SPMIP11: variants seen among roughly 807,000 people sequenced by gnomAD.
The protein encoded by SPMIP11 is long intergenic non-protein coding RNA 935.
chr12:48,769,552 T>C, the SPMIP11 span, among the ~76,000 whole-genome samples: 1 of 151,156 alleles, frequency 6.6e-6, no homozygotes, highest in East Asian at 1.9e-4. Flanking sequence ...TGTCAACCAC[T>C]CTAGTAAGCA....
the SPMIP11 span, among the ~76,000 whole-genome samples, chr12:48,769,505 C>A: frequency 6.6e-6 from 1 of 151,604 alleles, no homozygotes; most frequent in Non-Finnish European, 1.5e-5. Context: ...GTCAAGACAG[C>A]CATGCTATAA....
At chr12:48,762,666 C>T in the SPMIP11 span, among the ~76,000 whole-genome samples, 4 of 151,840 alleles carry the variant, frequency 2.6e-5, 1 homozygote, top group South Asian at 6.2e-4. Flanking sequence ...CTGCATCCGG[C>T]TCTTATAACA....
chr12:48,734,799 C>T, the SPMIP11 span, among the ~76,000 whole-genome samples: 1 of 151,556 alleles, frequency 6.6e-6, no homozygotes, highest in Admixed American at 6.6e-5. Context: ...GTCAGCAGAT[C>T]GAGACCATCC....
the SPMIP11 span, among the ~76,000 whole-genome samples, chr12:48,762,331 T>C: frequency 6.9e-6 from 1 of 145,082 alleles, no homozygotes; most frequent in African/African-American, 2.6e-5. Flanking sequence ...GTGCTGGGAT[T>C]ACAGGCGTGA....
chr12:48,732,579 G>A, the SPMIP11 span, among the ~76,000 whole-genome samples: 1 of 151,978 alleles, frequency 6.6e-6, no homozygotes, highest in East Asian at 1.9e-4. Context: ...AGACCATCCT[G>A]GCCAACATGG....
chr12:48,744,684 A>G, the SPMIP11 span, among the ~76,000 whole-genome samples: 3 of 151,980 alleles, frequency 2.0e-5, no homozygotes, highest in African/African-American at 4.8e-5. Flanking sequence ...GTGCCACTGC[A>G]CTTTAGCCTG....
At chr12:48,739,878 C>G in the SPMIP11 span, among the ~76,000 whole-genome samples, 1 of 152,250 alleles carries the variant, frequency 6.6e-6, no homozygotes, top group East Asian at 1.9e-4. Context: ...ACAGTGAATC[C>G]TGTGATTCCT....
At chr12:48,756,781 T>TTC in the SPMIP11 span, among the ~76,000 whole-genome samples, 255 of 147,432 alleles carry the variant, frequency 1.7e-3, 3 homozygotes, top group Middle Eastern at 0.014. Context: ...CTTTTTTTCT[T>TTC]TTTTTTTTTT....
chr12:48,760,028 CTCAGGTGAT>C, the SPMIP11 span, among the ~76,000 whole-genome samples: 7 of 152,086 alleles, frequency 4.6e-5, no homozygotes. Flanking sequence ...AACTCCTGAC[CTCAGGTGAT>C]CCACCCACTT....
chr12:48,770,768 ATCT>A, the SPMIP11 span: 1 of 1,613,788 alleles, frequency 6.2e-7, no homozygotes. Context: ...CCTCTTACCA[ATCT>A]TCATCTGGAA....
chr12:48,746,666 A>G, the SPMIP11 span, among the ~76,000 whole-genome samples: 1 of 151,742 alleles, frequency 6.6e-6, no homozygotes, highest in African/African-American at 2.4e-5. Flanking sequence ...TGCCCAGCCT[A>G]TCCAAGCGCT....
chr12:48,753,786 C>G, the SPMIP11 span, among the ~76,000 whole-genome samples: 2 of 147,722 alleles, frequency 1.4e-5, no homozygotes, highest in Non-Finnish European at 3.0e-5. Flanking sequence ...ACTGCAACCT[C>G]TGCCCCCCCG....
At chr12:48,754,809 C>T in the SPMIP11 span, among the ~76,000 whole-genome samples, 1 of 149,150 alleles carries the variant, frequency 6.7e-6, no homozygotes, top group Non-Finnish European at 1.5e-5. Context: ...TGCAGTGGCA[C>T]AATCACAGCC....
the SPMIP11 span, chr12:48,736,311 C>T: frequency 1.8e-5 from 4 of 227,248 alleles, no homozygotes; most frequent in African/African-American, 9.7e-5. Context: ...ACTCTGGAGG[C>T]TGAGGTGGGA....
the SPMIP11 span, among the ~76,000 whole-genome samples, chr12:48,762,853 G>C: frequency 1.6e-4 from 24 of 152,160 alleles, no homozygotes; most frequent in African/African-American, 5.8e-4. Context: ...AGTTTTGTAA[G>C]CTGTAACCAT....
chr12:48,764,114 C>T, the SPMIP11 span, among the ~76,000 whole-genome samples: 1 of 151,728 alleles, frequency 6.6e-6, no homozygotes, highest in Non-Finnish European at 1.5e-5. Flanking sequence ...TCCTGAGTAG[C>T]TGGGATTACA....
At chr12:48,735,510 A>C in the SPMIP11 span, among the ~76,000 whole-genome samples, 2 of 151,984 alleles carry the variant, frequency 1.3e-5, no homozygotes, top group African/African-American at 4.8e-5. Context: ...ACTTGAACCC[A>C]GGAAGCAGAG....
At chr12:48,741,390 G>A in the SPMIP11 span, among the ~76,000 whole-genome samples, 7 of 152,190 alleles carry the variant, frequency 4.6e-5, no homozygotes, top group South Asian at 2.1e-4. Flanking sequence ...AAGACATTGT[G>A]TAGAATATTC....
the SPMIP11 span, among the ~76,000 whole-genome samples, chr12:48,748,987 C>A: frequency 3.9e-5 from 6 of 152,206 alleles, no homozygotes; most frequent in African/African-American, 1.4e-4. Context: ...TCTGGCTGAG[C>A]CCAGTGGCTC....
Sources: gnomAD v4.1 joint callset for allele counts (sites outside exome capture counted in the v4.1 genomes callset) on GRCh38, gnomAD v4.1.1 for gene constraint, MANE v1.5 for transcripts, NCBI Gene and HGNC (gene_info 2026-07-23, HGNC 2026-07-21) for gene names.